PARP9: variants seen among roughly 807,000 people sequenced by gnomAD.
PARP9 encodes the protein protein mono-ADP-ribosyltransferase PARP9.
PARP9 carries 48 observed loss-of-function variants against 68.8 expected under a neutral mutation model. The ratio of observed to expected loss-of-function variants is 0.70; its 90% CI spans 0.55 to 0.89. The LOEUF (loss-of-function observed/expected upper bound fraction) is 0.89. Among genes scored for constraint, PARP9 ranks in the 40% least tolerant of loss-of-function variants. The probability of loss-of-function intolerance (pLI) is 0.00; values close to 1 mark genes in which losing one functional copy is unlikely to be tolerated. For synonymous variants in PARP9, 309 were observed against 333.8 expected (o/e 0.93, Z 0.81); for missense variants, 806 against 969.3 (o/e 0.83, Z 2.24).
intron 8 of PARP9, among the ~76,000 whole-genome samples, 167 bp from the exon 9 acceptor site, chr3:122,537,240 G>A (rs568058717): frequency 6.6e-6 from 1 of 152,180 alleles, no homozygotes; most frequent in East Asian, 1.9e-4. Flanking sequence ...GAGCGGTCAG[G>A]ATAAAATAAA....
At position 122,556,141 on chromosome 3, in the gene PARP9, T is replaced by TAAAAAAAGAAAAAAAAAAAAAA. The variant is rs2079624392; in HGVS notation, c.50-21_50-20insTTTTTTTTTTTTTTCTTTTTTT. Reference sequence around the variant, plus strand: ...CAGTCTCTGGAAAAGAAGAGAAGATTAAAAAAAAAAAAAAAAAAAAAAAAA... The same window carrying TAAAAAAAGAAAAAAAAAAAAAA: ...CAGTCTCTGGAAAAGAAGAGAAGATTAAAAAAAGAAAAAAAAAAAAAAAAAAAAAAAAAAAAAAAAAAAAAAA... On this transcript the variant is annotated intron_variant, in intron 3 of 10. Transcript: ENST00000682323. 1 of 193,584 alleles carries TAAAAAAAGAAAAAAAAAAAAAA rather than the reference T, an allele frequency of 5.2e-6. No homozygotes were observed. The highest frequency in any genetic ancestry group is 8.5e-5 in the South Asian group (1 of 11,830). The allele number at this position is 193,584 out of a possible 1,614,324, so 12.0% of individuals were successfully genotyped here. A position where few individuals can be genotyped will look rare whatever the true frequency, so the allele number is the denominator to read the frequency against.
intron 10 of PARP9, chr3:122,532,091 C>G (rs1434860875): frequency 5.2e-6 from 5 of 956,268 alleles, no homozygotes; most frequent in Non-Finnish European, 5.0e-6. Context: ...GGTGCAGTCC[C>G]TCATCCAGCT....
At position 122,556,105 on chromosome 3, in the gene PARP9, TC is replaced by T. The variant is rs777205524; in HGVS notation, c.65del (p.Gly22GlufsTer18). The T allele has an allele frequency of 5.4e-6, 7 of 1,289,608 alleles. No homozygotes were observed. Among genetic ancestry groups the T allele is most frequent in the African/African-American group, 1.7e-5 (1 of 60,568 alleles). The allele number at this position is 1,289,608 out of a possible 1,614,324, so 79.9% of individuals were successfully genotyped here. On this transcript the variant is annotated frameshift_variant, in exon 4 of 11. Coordinates refer to ENST00000682323, the MANE Select transcript of PARP9 (RefSeq NM_001146105.2). LOFTEE classifies it high-confidence loss of function. ...YNEKSETGAL[G>X]ENYSWQIPIN... Reference sequence around the variant, plus strand: ...TGGGAATTTGCCAACTATAGTTTTCTCCAAGAGCACCAGTCTCTGGAAAAGA... The same window carrying T: ...TGGGAATTTGCCAACTATAGTTTTCTCAAGAGCACCAGTCTCTGGAAAAGA...
At chr3:122,529,954 G>T (rs1559794034) in intron 10 of PARP9, among the ~76,000 whole-genome samples, 1 of 152,028 alleles carries the variant, frequency 6.6e-6, no homozygotes, top group East Asian at 1.9e-4. Flanking sequence ...ACTTTGGGAG[G>T]CCAAAGTGGG....
chr3:122,528,971 G>A (rs2077105431), intron 10 of PARP9, among the ~76,000 whole-genome samples: 1 of 151,996 alleles, frequency 6.6e-6, no homozygotes, highest in Admixed American at 6.6e-5. Context: ...ATTAGGGCTG[G>A]GCACAGTGGC....
chr3:122,536,297 T>G lies in PARP9; in HGVS notation c.1951A>C (p.Lys651Gln). 6.2e-7 allele frequency: 1 copy of G among 1,614,216 alleles called. No individual in the cohort carries two copies. The highest frequency in any genetic ancestry group is 8.5e-7 in the Non-Finnish European group (1 of 1,180,020). Residue 651 changes from lysine (K) to glutamine (Q), a missense_variant, in exon 10 of 11, where the codon AAG (lysine) becomes CAG (glutamine). By Grantham distance (53) the Lys-to-Gln change is moderately conservative. This residue lies in a region of PARP9 where 680 missense variants were observed against 858.8 expected (regional missense o/e 0.79). Coordinates refer to ENST00000682323, the MANE Select transcript of PARP9 (RefSeq NM_001146105.2). ...AGTTTTTCTTCCATCATTTTCTTCTTTCTTTGAAAGGCAGCCATAAGGACC... is the reference window on the plus strand; with the variant it reads ...AGTTTTTCTTCCATCATTTTCTTCTGTCTTTGAAAGGCAGCCATAAGGACC... ...NEVLMAAFQR[K>Q]KKMMEEKLHR... is the part of the protein sequence containing the mutation.
At chr3:122,564,648 T>TG (rs1392585133), upstream of PARP9, 2 of 1,563,636 alleles carry the variant, frequency 1.3e-6, no homozygotes, top group African/African-American at 2.8e-5. Context: ...GAAAGCCCTC[T>TG]GGGGGCCCGG....
intron 10 of PARP9, among the ~76,000 whole-genome samples, chr3:122,529,753 CAAAA>C (rs1172329461): frequency 7.3e-5 from 5 of 68,184 alleles, no homozygotes; most frequent in Non-Finnish European, 3.0e-5. Flanking sequence ...GACTCCGTCC[CAAAA>C]AAAAAAAAAA....
At chr3:122,539,197 CTT>C (rs1367052965) in intron 8 of PARP9, among the ~76,000 whole-genome samples, 2 of 152,168 alleles carry the variant, frequency 1.3e-5, no homozygotes, top group Non-Finnish European at 2.9e-5. Flanking sequence ...TTGACGTTTT[CTT>C]TCTTTGCCTG....
chr3:122,564,341 A>G, upstream of PARP9: 2 of 1,446,922 alleles, frequency 1.4e-6, no homozygotes, highest in South Asian at 2.7e-5. Context: ...CGAAACTGAA[A>G]CTTTGCGCCC....
intron 7 of PARP9, among the ~76,000 whole-genome samples, chr3:122,541,310 T>C (rs2078214106): frequency 6.6e-6 from 1 of 152,220 alleles, no homozygotes; most frequent in Non-Finnish European, 1.5e-5. Context: ...GAAAGCTGCA[T>C]TGGGTATGAA....
At chr3:122,539,567 C>CTT (rs1177248789) in intron 8 of PARP9, among the ~76,000 whole-genome samples, 14 of 86,954 alleles carry the variant, frequency 1.6e-4, no homozygotes, top group South Asian at 1.5e-3. Context: ...TTCTTTCTTT[C>CTT]TTTTTTTTTT....
At chr3:122,562,798 C>A (rs1264136246) in intron 1 of PARP9, among the ~76,000 whole-genome samples, 1 of 152,116 alleles carries the variant, frequency 6.6e-6, no homozygotes, top group African/African-American at 2.4e-5. Context: ...CCATTGTATT[C>A]CATTGTATAG....
At chr3:122,564,350 C>T, upstream of PARP9, 1 of 1,474,566 alleles carries the variant, frequency 6.8e-7, no homozygotes, top group Non-Finnish European at 9.1e-7. Context: ...AACTTTGCGC[C>T]CAGTCCGCAG....
rs1416120543 is a variant in PARP9, at chr3:122,543,874, G to T, written c.1384+1558C>A. Among the ~76,000 whole-genome samples, 6 of 152,224 alleles carry T rather than the reference G, an allele frequency of 3.9e-5. No homozygotes were observed. The East Asian group carries it at 1.2e-3, about 29-fold the overall frequency. On this transcript the variant is annotated intron_variant, in intron 7 of 10. Coordinates refer to ENST00000682323, the MANE Select transcript of PARP9 (RefSeq NM_001146105.2). ...GATCCACCTGCCCTGGCCTCCCAAA[G>T]TGCTGGGATTACAGGCTTGAGCCGC... is the stretch of plus-strand genomic sequence containing the variant.
intron 10 of PARP9, chr3:122,535,452 A>G: frequency 1.0e-6 from 1 of 985,454 alleles, no homozygotes; most frequent in Non-Finnish European, 1.2e-6. Context: ...CACATATTTA[A>G]TAGACCAAGC....
At chr3:122,542,592 G>C (rs1254335736) in intron 7 of PARP9, among the ~76,000 whole-genome samples, 1 of 151,760 alleles carries the variant, frequency 6.6e-6, no homozygotes, top group African/African-American at 2.4e-5. Flanking sequence ...CGATTCTCCT[G>C]CTGCAGCCTC....
intron 10 of PARP9, chr3:122,533,268 T>C (rs1348412873): frequency 6.6e-6 from 1 of 152,120 alleles, no homozygotes; most frequent in Non-Finnish European, 1.5e-5. Flanking sequence ...AGGTAGATGG[T>C]GATGATACTA....
chr3:122,555,309 G>A lies in PARP9; in HGVS notation c.862C>T (p.Gln288Ter), dbSNP rs1290194283. Residue 288 changes from glutamine to a stop codon, truncating the protein, a stop_gained, in exon 4 of 11, where the codon CAG (glutamine) becomes TAG (stop). Transcript: ENST00000682323. LOFTEE classifies it high-confidence loss of function. ...VVNNLTLQIV[Q>*]GHIEWQTADV... ...ACCGTCTGCCATTCAATGTGGCCCT[G>A]GACAATCTGGAGGGTCAGGTTGTTC... The A allele has an allele frequency of 6.8e-6, 11 of 1,613,130 alleles. No homozygotes were observed. Among genetic ancestry groups the A allele is most frequent in the Non-Finnish European group, 9.3e-6 (11 of 1,179,376 alleles).
Sources: gnomAD v4.1 joint callset for allele counts (sites outside exome capture counted in the v4.1 genomes callset) on GRCh38, gnomAD v4.1.1 for gene constraint, gnomAD v4.1.1 regional missense constraint, MANE v1.5 for transcripts, NCBI Gene and HGNC (gene_info 2026-07-23, HGNC 2026-07-21) for gene names.